The following TENT5D variants were observed in gnomAD, a reference collection of about 807,000 sequenced individuals.
TENT5D encodes cancer/testis antigen 112.
For missense variants in TENT5D, 191 were observed against 287.0 expected (o/e 0.67, Z 2.42); for synonymous variants, 103 against 100.6 (o/e 1.02, Z -0.15).
chrX:80,365,612 G>A (rs1930492336), intron 3 of TENT5D, among the ~76,000 whole-genome samples: 1 of 110,837 alleles, frequency 9.0e-6, no homozygotes, highest in East Asian at 2.8e-4. Flanking sequence ...AGGCCGAGGC[G>A]GGTGGATCAC....
At chrX:80,357,562 T>C (rs775315121) in intron 3 of TENT5D, among the ~76,000 whole-genome samples, 183 of 111,720 alleles carry the variant, frequency 1.6e-3, no homozygotes, top group African/African-American at 5.5e-3. Flanking sequence ...AATGTCTTCT[T>C]TTGAGAAGTA....
chrX:80,394,517 G>A (rs1317124296), intron 3 of TENT5D, among the ~76,000 whole-genome samples: 4 of 100,258 alleles, frequency 4.0e-5, no homozygotes, highest in Admixed American at 2.3e-4. Context: ...TCAGCCTCCC[G>A]AGTAGCTGGG....
At chrX:80,368,798 A>G (rs1378116763) in intron 3 of TENT5D, among the ~76,000 whole-genome samples, 1 of 112,086 alleles carries the variant, frequency 8.9e-6, no homozygotes, top group African/African-American at 3.2e-5. Context: ...AGTGACACTG[A>G]AGATGACAAC....
chrX:80,379,958 T>G (rs144553955), intron 3 of TENT5D, among the ~76,000 whole-genome samples: 3 of 107,406 alleles, frequency 2.8e-5, no homozygotes, highest in Non-Finnish European at 3.8e-5. Flanking sequence ...CTCTTTCTCC[T>G]TCAGTTCTGC....
intron 3 of TENT5D, among the ~76,000 whole-genome samples, chrX:80,367,393 G>A (rs913430271): frequency 2.7e-5 from 3 of 111,360 alleles, no homozygotes; most frequent in Non-Finnish European, 3.8e-5. Flanking sequence ...ACACTGTGGT[G>A]GGGATGTGAA....
At chrX:80,380,636 G>A (rs1480537680) in intron 3 of TENT5D, among the ~76,000 whole-genome samples, 5 of 111,297 alleles carry the variant, frequency 4.5e-5, no homozygotes, top group South Asian at 3.8e-4. Flanking sequence ...TATGAATTGG[G>A]TGCTCCTGTA....
intron 3 of TENT5D, among the ~76,000 whole-genome samples, chrX:80,386,982 T>G (rs1931027791): frequency 8.9e-6 from 1 of 112,197 alleles, no homozygotes; most frequent in Admixed American, 9.5e-5. Context: ...CAGTAAGCAT[T>G]TATCAACTAA....
At chrX:80,361,884 A>G (rs1223462138) in intron 3 of TENT5D, among the ~76,000 whole-genome samples, 1 of 111,496 alleles carries the variant, frequency 9.0e-6, no homozygotes, top group African/African-American at 3.3e-5. Context: ...GGTTGGTTAC[A>G]TTGGTATATT....
intron 3 of TENT5D, among the ~76,000 whole-genome samples, chrX:80,346,238 A>T (rs1033255810): frequency 7.1e-5 from 8 of 112,138 alleles, no homozygotes; most frequent in African/African-American, 2.6e-4. Flanking sequence ...GTATCCCATT[A>T]TATGAATGTA....
chrX:80,427,418 C>G (rs1275071667), intron 1 of TENT5D, among the ~76,000 whole-genome samples: 1 of 112,187 alleles, frequency 8.9e-6, no homozygotes, highest in African/African-American at 3.2e-5. Flanking sequence ...ATAATTTAGA[C>G]TACCTATTTA....
At chrX:80,417,624 G>A (rs188630600), upstream of TENT5D, among the ~76,000 whole-genome samples, 78 of 111,195 alleles carry the variant, frequency 7.0e-4, no homozygotes, top group East Asian at 0.014. Context: ...TAAGTATGCC[G>A]AATACAAGCC....
chrX:80,337,474 G>A (rs1929873194), intron 2 of TENT5D, among the ~76,000 whole-genome samples: 1 of 111,693 alleles, frequency 9.0e-6, no homozygotes, highest in South Asian at 3.7e-4. Flanking sequence ...CTTTAGTGAT[G>A]CCTATTTTTT....
At chrX:80,341,522 A>G (rs1207202842) in intron 2 of TENT5D, among the ~76,000 whole-genome samples, 2 of 111,274 alleles carry the variant, frequency 1.8e-5, no homozygotes, top group African/African-American at 6.5e-5. Context: ...AAAAGGAAAT[A>G]CTATTTACAG....
At chrX:80,361,679 A>G (rs1279813781) in intron 3 of TENT5D, among the ~76,000 whole-genome samples, 2 of 111,710 alleles carry the variant, frequency 1.8e-5, no homozygotes, top group Admixed American at 1.9e-4. Context: ...ATCTCAAAAG[A>G]CCTCAGTTTA....
intron 2 of TENT5D, chrX:80,335,831 T>G (rs1929837811): frequency 9.0e-6 from 1 of 111,565 alleles, no homozygotes; most frequent in Non-Finnish European, 1.9e-5. Flanking sequence ...GTTAAAAAGC[T>G]TCGTGATCCT....
intron 3 of TENT5D, among the ~76,000 whole-genome samples, chrX:80,392,578 G>C (rs1265421508): frequency 1.2e-5 from 1 of 82,132 alleles, no homozygotes; most frequent in Non-Finnish European, 2.2e-5. Flanking sequence ...CTGCAGTGGC[G>C]CAATCTCGGC....
intron 3 of TENT5D, among the ~76,000 whole-genome samples, chrX:80,367,761 T>C (rs1476508621): frequency 1.8e-5 from 2 of 111,921 alleles, no homozygotes; most frequent in Non-Finnish European, 3.8e-5. Flanking sequence ...ACTTCACATG[T>C]TCTCACTCAT....
chrX:80,395,851 TC>T (rs2147541055), intron 3 of TENT5D, among the ~76,000 whole-genome samples: 1 of 104,550 alleles, frequency 9.6e-6, no homozygotes, highest in East Asian at 3.0e-4. Context: ...ATTCCTCACT[TC>T]CCCCTACTCT....
At chrX:80,406,502 A>C (rs1365717734) in intron 3 of TENT5D, among the ~76,000 whole-genome samples, 2 of 104,427 alleles carry the variant, frequency 1.9e-5, no homozygotes, top group Non-Finnish European at 3.9e-5. Flanking sequence ...GGGTATCAGC[A>C]ATGGAAGATG....
Sources: gnomAD v4.1 joint callset for allele counts (sites outside exome capture counted in the v4.1 genomes callset) on GRCh38, gnomAD v4.1.1 for gene constraint, MANE v1.5 for transcripts, NCBI Gene and HGNC (gene_info 2026-07-23, HGNC 2026-07-21) for gene names.